Variants in ALOX5 observed in about 807,000 individuals in gnomAD.
ALOX5 encodes the protein polyunsaturated fatty acid 5-lipoxygenase.
Under a neutral mutation model 87.9 loss-of-function variants are expected in ALOX5, and 64 were observed. The ratio of observed to expected loss-of-function variants is 0.73; its 90% CI spans 0.60 to 0.90. ALOX5 has a LOEUF of 0.90. Among genes scored for constraint, ALOX5 ranks in the 40% least tolerant of loss-of-function variants. The pLI is 0.00. For missense variants in ALOX5, 822 were observed against 907.5 expected, an observed-to-expected ratio of 0.91 and a Z score of 1.21; for synonymous variants, 388 against 355.1, an observed-to-expected ratio of 1.09 and a Z score of -1.04.
At chr10:45,403,620 T>C (rs560295428) in intron 3 of ALOX5, among the ~76,000 whole-genome samples, 2 of 152,344 alleles carry the variant, frequency 1.3e-5, no homozygotes, top group East Asian at 3.9e-4. Context: ...TTTTATATAT[T>C]CTATTTCCCA....
chr10:45,411,002 A>T (rs1420964600), intron 3 of ALOX5, among the ~76,000 whole-genome samples: 9 of 152,274 alleles, frequency 5.9e-5, no homozygotes, highest in Non-Finnish European at 8.8e-5. Flanking sequence ...CATGTGCTAA[A>T]CAATGAGTGG....
intron 3 of ALOX5, among the ~76,000 whole-genome samples, chr10:45,399,837 TTTAA>T (rs1392712156): frequency 3.3e-5 from 5 of 152,198 alleles, no homozygotes; most frequent in African/African-American, 1.2e-4. Flanking sequence ...TAGCAAAGGA[TTTAA>T]TTAAATAGTT....
rs1294081073 is a variant in ALOX5, at chr10:45,425,280, G to A, written c.834+148G>A. 1 of 923,638 alleles carries A rather than the reference G, an allele frequency of 1.1e-6. No homozygotes were observed. Among genetic ancestry groups the A allele is most frequent in the Non-Finnish European group, 1.6e-6 (1 of 630,934 alleles). 57.2% of individuals were successfully genotyped at this position (923,638 alleles called of 1,614,324 possible). On this transcript the variant is annotated intron_variant, in intron 6 of 13. Transcript: ENST00000374391. The surrounding 1 kb of genome is among the most constrained non-coding windows in gnomAD (Gnocchi z 4.4). ...GCCGCTTCCTTTTCCTGGCAGCAGT[G>A]TCAGCCAGGGTCCTGGGCATTATGC...
chr10:45,414,193 C>T (rs142754243), intron 4 of ALOX5, among the ~76,000 whole-genome samples: 2,592 of 152,284 alleles, frequency 0.017, 67 homozygotes, highest in African/African-American at 0.058. Context: ...AACCATACTA[C>T]GAGGCTACAG....
intron 3 of ALOX5, among the ~76,000 whole-genome samples, chr10:45,404,863 G>A (rs2132740749): frequency 6.6e-6 from 1 of 152,302 alleles, no homozygotes; most frequent in Middle Eastern, 3.4e-3. Context: ...TTTTCCAAAG[G>A]CATTCTGCCA....
intron 3 of ALOX5, among the ~76,000 whole-genome samples, chr10:45,411,380 C>T (rs769745849): frequency 7.9e-5 from 12 of 152,190 alleles, no homozygotes; most frequent in Non-Finnish European, 1.6e-4. Flanking sequence ...CCTTATTTTA[C>T]CCAGCCCCTA....
intron 3 of ALOX5, among the ~76,000 whole-genome samples, chr10:45,400,803 A>G (rs7918542): frequency 0.23 from 34,601 of 152,022 alleles, 4,075 homozygotes; most frequent in African/African-American, 0.26. Context: ...TGGGGAGGGG[A>G]AACAAGGAGT....
chr10:45,392,076 A>G (rs573020672), intron 2 of ALOX5, among the ~76,000 whole-genome samples: 49 of 149,252 alleles, frequency 3.3e-4, no homozygotes, highest in African/African-American at 1.1e-3. Context: ...CCCGTCCGAG[A>G]GGGAGGTGGG....
chr10:45,374,653 C>T (rs781361866), intron 1 of ALOX5, among the ~76,000 whole-genome samples: 5 of 151,752 alleles, frequency 3.3e-5, no homozygotes, highest in Non-Finnish European at 5.9e-5. Context: ...GGACCCCTCG[C>T]GGCGGCCGCG....
chr10:45,445,242 G>A (rs1268234602), intron 13 of ALOX5, among the ~76,000 whole-genome samples: 1 of 152,246 alleles, frequency 6.6e-6, no homozygotes, highest in Non-Finnish European at 1.5e-5. Flanking sequence ...GCATCATCTC[G>A]TAACCACTTG....
chr10:45,440,705 C>G (rs1842207398), intron 8 of ALOX5, 72 bp downstream of exon 8: 1 of 1,515,048 alleles, frequency 6.6e-7, no homozygotes, highest in Non-Finnish European at 9.0e-7. Context: ...TCACTGACAT[C>G]CCACAGGGGG....
Position 45,445,862 on chromosome 10 carries a change from A to G in ALOX5, c.*175A>G. The G allele has an allele frequency of 1.4e-6, 1 of 717,816 alleles. No homozygotes were observed. The highest frequency in any genetic ancestry group is 2.9e-5 in the Admixed American group (1 of 34,224). The allele number at this position is 717,816 out of a possible 1,614,324, so 44.5% of individuals were successfully genotyped here. On this transcript the variant is annotated 3_prime_UTR_variant, in exon 14 of 14. Transcript: ENST00000374391. ...ACTGCATAGATTGATCAAAGTGTAA[A>G]CACCATAGGGACCCATTCTACACAG...
Position 45,424,092 on chromosome 10 carries a change from G to A in ALOX5, c.606G>A (p.Trp202Ter), listed in dbSNP as rs1841605667. The A allele has an allele frequency of 6.2e-7, 1 of 1,614,076 alleles. No homozygotes were observed. Among genetic ancestry groups the A allele is most frequent in the African/African-American group, 1.3e-5 (1 of 74,924 alleles). ...TCATGCACATGTTCCAGTCTTCTTG[G>A]AATGACTTCGCCGACTTTGAGAAAA... The part of the protein sequence containing the change: ...NRFMHMFQSS[W>*]NDFADFEKIF... Residue 202 changes from tryptophan (W) to a stop codon, truncating the protein, a stop_gained, in exon 5 of 14, where the codon TGG (tryptophan) becomes TGA (stop). Coordinates refer to ENST00000374391, the MANE Select transcript of ALOX5 (RefSeq NM_000698.5). LOFTEE classifies it high-confidence loss of function.
chr10:45,444,387 C>T (rs1342221741), intron 13 of ALOX5, 101 bp downstream of exon 13: 14 of 1,402,602 alleles, frequency 1.0e-5, no homozygotes, highest in Non-Finnish European at 9.4e-7. Flanking sequence ...TCACTTGGAG[C>T]AAAGGAATCC....
chr10:45,424,411 G>GTATC (rs917722143), intron 5 of ALOX5, among the ~76,000 whole-genome samples: 7 of 152,194 alleles, frequency 4.6e-5, no homozygotes, highest in Non-Finnish European at 7.3e-5. Flanking sequence ...AGTCTCAAAA[G>GTATC]TATCAGAACT....
chr10:45,406,837 C>T (rs181340150), intron 3 of ALOX5, among the ~76,000 whole-genome samples: 1 of 152,226 alleles, frequency 6.6e-6, no homozygotes, highest in African/African-American at 2.4e-5. Flanking sequence ...CCATTATCTA[C>T]ACCACTGATA....
chr10:45,422,159 G>A (rs1841527319), intron 4 of ALOX5, among the ~76,000 whole-genome samples: 1 of 152,180 alleles, frequency 6.6e-6, no homozygotes, highest in Admixed American at 6.5e-5. Flanking sequence ...CTTATCCTAG[G>A]AGTTCCCCCC....
intron 2 of ALOX5, among the ~76,000 whole-genome samples, chr10:45,391,213 C>G (rs1271048388): frequency 6.6e-6 from 1 of 152,100 alleles, no homozygotes. Flanking sequence ...CTGCCTCAGC[C>G]TGCCGAGTGC....
intron 3 of ALOX5, among the ~76,000 whole-genome samples, chr10:45,407,235 TTTG>T (rs1475996766): frequency 4.6e-5 from 7 of 152,140 alleles, no homozygotes; most frequent in Non-Finnish European, 8.8e-5. Context: ...CTAATGATAG[TTTG>T]TTTCTTTTCC....
Sources: gnomAD v4.1 joint callset for allele counts (sites outside exome capture counted in the v4.1 genomes callset) on GRCh38, gnomAD v4.1.1 for gene constraint, Gnocchi (gnomAD v3.1) non-coding constraint, MANE v1.5 for transcripts, NCBI Gene and HGNC (gene_info 2026-07-23, HGNC 2026-07-21) for gene names.